Variants in BNC2 observed in about 807,000 individuals in gnomAD.
BNC2 encodes the protein basonuclin zinc finger protein 2.
In BNC2, 20 loss-of-function variants were observed where a neutral mutation model predicts 76.3. That is an observed-to-expected ratio of 0.26 (90% CI 0.18 to 0.38). The LOEUF is 0.38. Among genes scored for constraint, BNC2 ranks in the 10% least tolerant of loss-of-function variants. The probability of loss-of-function intolerance (pLI) is 1.00; values close to 1 mark genes in which losing one functional copy is unlikely to be tolerated. For synonymous variants in BNC2, 582 were observed against 514.8 expected (o/e 1.13, Z -1.77); for missense variants, 1,382 against 1,399.8 (o/e 0.99, Z 0.20).
At chr9:16,527,208 T>C (rs1310775761) in intron 5 of BNC2, among the ~76,000 whole-genome samples, 1 of 152,208 alleles carries the variant, frequency 6.6e-6, no homozygotes, top group Non-Finnish European at 1.5e-5. Context: ...ACAGGCAGAA[T>C]GCCATACCTG....
intron 1 of BNC2, among the ~76,000 whole-genome samples, chr9:16,748,740 G>A (rs1293689275): frequency 6.6e-6 from 1 of 150,512 alleles, no homozygotes; most frequent in Non-Finnish European, 1.5e-5. Flanking sequence ...CTACTCAGGA[G>A]GCTGAGGCAA....
intron 3 of BNC2, among the ~76,000 whole-genome samples, chr9:16,608,110 G>A (rs144847933): frequency 2.0e-5 from 3 of 152,270 alleles, no homozygotes; most frequent in East Asian, 3.9e-4. Flanking sequence ...TAGAAAGCTT[G>A]TGATTAACTA....
chr9:16,781,539 C>T lies in BNC2; in HGVS notation c.4-43054G>A, dbSNP rs554643894. Among the ~76,000 whole-genome samples, 493 of 152,288 alleles carry T rather than the reference C, an allele frequency of 3.2e-3. 3 individuals carry two copies. Among genetic ancestry groups the T allele is most frequent in the Middle Eastern group, 6.8e-3 (2 of 294 alleles). On this transcript the variant is annotated intron_variant, in intron 1 of 6. Transcript: ENST00000380672. ...TTGTATTTTAGTAGAGACGGGGTTT[C>T]GTTGTGTTGCCCATGCTGGTCGCGA...
At chr9:16,580,386 T>C (rs1364353801) in intron 4 of BNC2, among the ~76,000 whole-genome samples, 1 of 152,172 alleles carries the variant, frequency 6.6e-6, no homozygotes, top group East Asian at 1.9e-4. Flanking sequence ...AGGAAAGAAT[T>C]AGAATACATT....
chr9:16,832,202 C>A, intron 1 of BNC2: 1 of 1,065,348 alleles, frequency 9.4e-7, no homozygotes, highest in South Asian at 1.4e-5. Context: ...ACAAGGTAGT[C>A]TTCAAAGGAA....
At chr9:16,726,937 G>A (rs963053264) in intron 3 of BNC2, 6 of 152,402 alleles carry the variant, frequency 3.9e-5, no homozygotes, top group African/African-American at 1.2e-4. Context: ...CGCACAGGGC[G>A]CGTATCACGG....
intron 1 of BNC2, among the ~76,000 whole-genome samples, chr9:16,764,468 C>A (rs1220029693): frequency 6.6e-6 from 1 of 152,148 alleles, no homozygotes; most frequent in Non-Finnish European, 1.5e-5. Flanking sequence ...AAATCTGTGA[C>A]AAGAGACCAT....
intron 5 of BNC2, among the ~76,000 whole-genome samples, chr9:16,524,687 T>C (rs1181487780): frequency 6.6e-6 from 1 of 152,176 alleles, no homozygotes. Flanking sequence ...AAAAAATAGA[T>C]GAATGAAAAA....
intron 3 of BNC2, among the ~76,000 whole-genome samples, chr9:16,641,226 C>T (rs544450376): frequency 4.1e-4 from 62 of 152,088 alleles, no homozygotes; most frequent in Non-Finnish European, 7.5e-4. Flanking sequence ...ACAGTATGCA[C>T]AGTATGATAA....
At chr9:16,461,595 G>A (rs1821582138) in intron 5 of BNC2, among the ~76,000 whole-genome samples, 2 of 151,714 alleles carry the variant, frequency 1.3e-5, no homozygotes, top group Non-Finnish European at 2.9e-5. Flanking sequence ...GGACAACGTG[G>A]TGGGGGGTGG....
chr9:16,806,816 G>C (rs1313019792), intron 1 of BNC2, among the ~76,000 whole-genome samples: 1 of 152,144 alleles, frequency 6.6e-6, no homozygotes, highest in Non-Finnish European at 1.5e-5. Flanking sequence ...ATAGGTGGAG[G>C]AAGTTAACAG....
rs572074442 is a variant in BNC2, at chr9:16,512,457, C to T, written c.669+40073G>A. Among the ~76,000 whole-genome samples the T allele has an allele frequency of 2.2e-3, 332 of 151,508 alleles. 2 individuals are homozygous for T. Among genetic ancestry groups the T allele is most frequent in the African/African-American group, 7.6e-3 (312 of 41,056 alleles). ...GGGATAATGCTGACACACAGCAGTC[C>T]TAAAGACCAATAAAGGTAACACACG... On this transcript the variant is annotated intron_variant, in intron 5 of 6. Transcript: ENST00000380672.
rs181656132 is a variant in BNC2 at position 16,495,522 on chromosome 9, C to A, written c.669+57008G>T. Among the ~76,000 whole-genome samples, 6 of 152,188 alleles carry A rather than the reference C, an allele frequency of 3.9e-5. No homozygotes were observed. The East Asian group carries it at 5.8e-4, about 15-fold the overall frequency. On this transcript the variant is annotated intron_variant, in intron 5 of 6. Transcript: ENST00000380672. The stretch of plus-strand genomic sequence containing the variant: ...TGCGTTCTGGCTAGAGATTTGGGTC[C>A]GGTCCTTCTGGGGACAGGGTGCTCA...
At chr9:16,536,913 C>T (rs188367437) in intron 5 of BNC2, among the ~76,000 whole-genome samples, 224 of 152,156 alleles carry the variant, frequency 1.5e-3, no homozygotes, top group Non-Finnish European at 1.1e-3. Context: ...AAGGTTAGTT[C>T]GGCTATATAG....
Position 16,761,850 on chromosome 9 carries a change from C to T in BNC2, c.4-23365G>A, listed in dbSNP as rs149992050. Among the ~76,000 whole-genome samples the T allele has an allele frequency of 2.6e-5, 4 of 152,246 alleles. No individual in the cohort carries two copies. The East Asian group carries it at 7.7e-4, about 29-fold the overall frequency. ...AAGGCCCATGTTTGAGGAATTAGTG[C>T]TCTGTAGCTGATGAAATTGAAAATG... On this transcript the variant is annotated intron_variant, in intron 1 of 6. Coordinates refer to ENST00000380672, the MANE Select transcript of BNC2 (RefSeq NM_017637.6).
intron 3 of BNC2, chr9:16,625,584 T>G (rs1264608032): frequency 6.6e-6 from 1 of 152,190 alleles, no homozygotes; most frequent in East Asian, 1.9e-4. Flanking sequence ...CGGAATCCAC[T>G]GGCGTTTTAA....
intron 1 of BNC2, among the ~76,000 whole-genome samples, chr9:16,868,802 G>A (rs964880538): frequency 3.9e-5 from 6 of 152,210 alleles, no homozygotes; most frequent in Non-Finnish European, 8.8e-5. Context: ...GATTGTGTGT[G>A]TGTGTGTGTT....
intron 5 of BNC2, among the ~76,000 whole-genome samples, chr9:16,542,273 C>T (rs1818346204): frequency 6.6e-6 from 1 of 152,014 alleles, no homozygotes; most frequent in Admixed American, 6.6e-5. Context: ...ACATCCCAGA[C>T]AATGTTTCAC....
intron 5 of BNC2, among the ~76,000 whole-genome samples, chr9:16,508,479 AGAC>A (rs1337115348): frequency 1.3e-5 from 2 of 152,184 alleles, no homozygotes; most frequent in Non-Finnish European, 1.5e-5. Context: ...TCTCCCTACA[AGAC>A]GTTCAAGCCA....
Sources: gnomAD v4.1 joint callset for allele counts (sites outside exome capture counted in the v4.1 genomes callset) on GRCh38, gnomAD v4.1.1 for gene constraint, MANE v1.5 for transcripts, NCBI Gene and HGNC (gene_info 2026-07-23, HGNC 2026-07-21) for gene names.